The following MEGF11 variants were observed in gnomAD, a reference collection of about 807,000 sequenced individuals.
MEGF11 encodes multiple EGF like domains 11.
Under a neutral mutation model 146.6 loss-of-function variants are expected in MEGF11, and 126 were observed. The ratio of observed to expected loss-of-function variants is 0.86; its 90% CI spans 0.74 to 1.00. The LOEUF is 1.00. Ranked by LOEUF, MEGF11 falls within the 50% of genes least tolerant of loss-of-function variation. The pLI is 0.00. For missense variants in MEGF11, 1,509 were observed against 1,521.2 expected, an observed-to-expected ratio of 0.99 and a Z score of 0.13; for synonymous variants, 532 against 583.4, an observed-to-expected ratio of 0.91 and a Z score of 1.27.
intron 5 of MEGF11, among the ~76,000 whole-genome samples, chr15:66,024,669 A>G (rs1567207039): frequency 2.0e-5 from 3 of 152,240 alleles, no homozygotes; most frequent in Admixed American, 1.3e-4. Context: ...TAAATCACCC[A>G]AGGTCACTAT....
intron 3 of MEGF11, among the ~76,000 whole-genome samples, chr15:66,120,257 T>C (rs1448880953): frequency 6.6e-6 from 1 of 152,192 alleles, no homozygotes; most frequent in East Asian, 1.9e-4. Flanking sequence ...GGGGTATTCA[T>C]AGGCAAAGCC....
chr15:66,066,261 C>A (rs2085120981), intron 5 of MEGF11, among the ~76,000 whole-genome samples: 1 of 152,024 alleles, frequency 6.6e-6, no homozygotes, highest in African/African-American at 2.4e-5. Flanking sequence ...ACGCCAGGGG[C>A]TCAGGGTCAG....
intron 1 of MEGF11, among the ~76,000 whole-genome samples, chr15:66,246,025 C>T (rs1396794926): frequency 6.6e-6 from 1 of 152,050 alleles, no homozygotes; most frequent in Non-Finnish European, 1.5e-5. Context: ...CTTTGGGAGG[C>T]CGAGTGGGGT....
At chr15:66,194,228 A>C (rs889666964) in intron 1 of MEGF11, among the ~76,000 whole-genome samples, 1 of 152,212 alleles carries the variant, frequency 6.6e-6, no homozygotes, top group Non-Finnish European at 1.5e-5. Context: ...CTTTATTCTA[A>C]GGGAAGCAAC....
chr15:65,911,762 T>C (rs2078816590), intron 21 of MEGF11, among the ~76,000 whole-genome samples: 2 of 152,244 alleles, frequency 1.3e-5, no homozygotes, highest in Admixed American at 1.3e-4. Flanking sequence ...CAAAAGTGTC[T>C]ACATGATTAT....
intron 5 of MEGF11, among the ~76,000 whole-genome samples, chr15:66,038,595 C>T (rs2083817777): frequency 6.6e-6 from 1 of 152,122 alleles, no homozygotes; most frequent in Non-Finnish European, 1.5e-5. Context: ...GCCAGGAGAA[C>T]AGTAATGTCC....
At position 65,898,796 on chromosome 15, in the gene MEGF11, A is replaced by G. The variant is rs2078419922; in HGVS notation, c.3194T>C (p.Val1065Ala). ...ESSYVEMKSP[V>A]HMGSPYTDVP... ...ATCTGTGTACGGAGACCCCATGTGC[A>G]CAGGCGACTTCATTTCTACATAGCT... The change falls in exon 25 of 26, where the codon GTG (valine) becomes GCG (alanine). Residue 1065 changes from valine (V) to alanine (A), a missense_variant. Val to Ala is a moderately conservative substitution (Grantham distance 64). Coordinates refer to ENST00000395614, the MANE Select transcript of MEGF11 (RefSeq NM_001385028.1). The G allele has an allele frequency of 1.9e-6, 3 of 1,614,022 alleles. No homozygotes were observed. In the East Asian group the frequency reaches 6.7e-5, roughly 36 times the overall value.
chr15:66,024,816 G>C (rs1404087134), intron 5 of MEGF11, among the ~76,000 whole-genome samples: 1 of 152,186 alleles, frequency 6.6e-6, no homozygotes. Flanking sequence ...GCACTGTAGG[G>C]GCAGGGAGAG....
intron 1 of MEGF11, among the ~76,000 whole-genome samples, chr15:66,231,920 A>G (rs72625769): frequency 0.24 from 37,095 of 152,114 alleles, 5,166 homozygotes; most frequent in East Asian, 0.63. Flanking sequence ...CCTTGTGCTG[A>G]GTGTTCACCC....
chr15:66,032,738 C>T (rs139444999), intron 5 of MEGF11, among the ~76,000 whole-genome samples: 4 of 152,188 alleles, frequency 2.6e-5, no homozygotes, highest in Non-Finnish European at 5.9e-5. Flanking sequence ...GGAGAAATAT[C>T]TAAGCTGCAA....
chr15:65,966,672 C>T (rs533946908), intron 8 of MEGF11, among the ~76,000 whole-genome samples: 11 of 152,238 alleles, frequency 7.2e-5, no homozygotes, highest in Middle Eastern at 6.8e-3. Flanking sequence ...CCTGTGAGCC[C>T]CTAAGGAGGA....
intron 5 of MEGF11, among the ~76,000 whole-genome samples, chr15:66,053,715 AT>A (rs71447880): frequency 1.2e-4 from 4 of 32,140 alleles, no homozygotes; most frequent in African/African-American, 4.7e-4. Context: ...CCTGGCACCA[AT>A]TTTTTTTTTT....
intron 19 of MEGF11, 88 bp downstream of exon 19, chr15:65,915,382 T>C (rs1444988264): frequency 2.7e-6 from 4 of 1,508,048 alleles, no homozygotes; most frequent in Admixed American, 3.9e-5. Flanking sequence ...GGAAGTATCA[T>C]CAAATCCAGC....
chr15:66,048,116 T>C (rs2084292877), intron 5 of MEGF11, among the ~76,000 whole-genome samples: 1 of 152,100 alleles, frequency 6.6e-6, no homozygotes, highest in Non-Finnish European at 1.5e-5. Context: ...CAGCTAATTT[T>C]TGTATTTTTA....
In MEGF11 at chr15:65,939,402, C is replaced by G. The variant is rs146851256; in HGVS notation, c.1288-8459G>C. On this transcript the variant is annotated intron_variant, in intron 10 of 25. Coordinates refer to ENST00000395614, the MANE Select transcript of MEGF11 (RefSeq NM_001385028.1). Reference sequence around the variant, plus strand: ...CATTCAATCTGTGTTTCTTGAGCATCTATGACAAGCAAGGCACTGTGATAG... The same window carrying G: ...CATTCAATCTGTGTTTCTTGAGCATGTATGACAAGCAAGGCACTGTGATAG... Among the ~76,000 whole-genome samples the G allele has an allele frequency of 9.5e-3, 1,439 of 152,006 alleles. 4 individuals are homozygous for G. The highest frequency in any genetic ancestry group is 0.024 in the Middle Eastern group (7 of 292).
chr15:65,994,033 G>A (rs28391688), intron 5 of MEGF11, among the ~76,000 whole-genome samples: 1,783 of 152,230 alleles, frequency 0.012, 34 homozygotes, highest in African/African-American at 0.04. Context: ...CAGGGGCCCC[G>A]GACCTCCCAT....
intron 5 of MEGF11, among the ~76,000 whole-genome samples, chr15:65,998,047 G>A (rs2082253839): frequency 6.6e-6 from 1 of 152,128 alleles, no homozygotes; most frequent in Non-Finnish European, 1.5e-5. Flanking sequence ...GGCACTGTGA[G>A]GGAAAGGTGG....
At chr15:65,921,585 G>A (rs2113688) in intron 15 of MEGF11, 19,359 of 152,328 alleles carry the variant, frequency 0.13, 2,053 homozygotes, top group East Asian at 0.61. Context: ...GCCAGGGATG[G>A]CAATAGGCAA....
At chr15:65,935,663 G>C (rs1345349139) in intron 10 of MEGF11, among the ~76,000 whole-genome samples, 1 of 152,168 alleles carries the variant, frequency 6.6e-6, no homozygotes, top group African/African-American at 2.4e-5. Flanking sequence ...TCCAAATGGG[G>C]AATCAGAGAG....
Sources: gnomAD v4.1 joint callset for allele counts (sites outside exome capture counted in the v4.1 genomes callset) on GRCh38, gnomAD v4.1.1 for gene constraint, MANE v1.5 for transcripts, NCBI Gene and HGNC (gene_info 2026-07-23, HGNC 2026-07-21) for gene names.